Variants in NTM observed in about 807,000 individuals in gnomAD.
NTM encodes the protein IgLON family member 2.
A neutral mutation model predicts 42.1 loss-of-function variants in NTM; 13 were observed. That is an observed-to-expected ratio of 0.31 (90% CI 0.20 to 0.49). NTM has a LOEUF of 0.49. NTM is among the 20% of genes least tolerant of loss of function. NTM has a pLI of 0.99. For missense variants in NTM, 373 were observed against 452.8 expected, an observed-to-expected ratio of 0.82 and a Z score of 1.60; for synonymous variants, 187 against 179.2, an observed-to-expected ratio of 1.04 and a Z score of -0.35.
chr11:131,515,882 G>A (rs764644066), intron 1 of NTM, among the ~76,000 whole-genome samples: 24 of 152,138 alleles, frequency 1.6e-4, no homozygotes, highest in Non-Finnish European at 2.5e-4. Context: ...ACCATGGTAA[G>A]GCTGGAAAAC....
intron 3 of NTM, among the ~76,000 whole-genome samples, chr11:132,149,591 C>T (rs1194368171): frequency 1.3e-5 from 2 of 152,158 alleles, no homozygotes; most frequent in African/African-American, 4.8e-5. Context: ...TTTCCCCTTA[C>T]TGTCAAATAT....
chr11:131,565,112 C>G lies in NTM; in HGVS notation c.82+194224C>G, dbSNP rs149531486. Among the ~76,000 whole-genome samples, 832 of 152,328 alleles carry G rather than the reference C, an allele frequency of 5.5e-3. 10 individuals carry two copies. Among genetic ancestry groups the G allele is most frequent in the Middle Eastern group, 0.01 (3 of 294 alleles). Reference sequence around the variant, plus strand: ...CACTTCTGAGGGAGCTGCAGACACCCTGGCGCGCATGTTGGTGGTCTGCTC... The same window carrying G: ...CACTTCTGAGGGAGCTGCAGACACCGTGGCGCGCATGTTGGTGGTCTGCTC... On this transcript the variant is annotated intron_variant, in intron 1 of 8. Transcript: ENST00000683400.
rs552727975 is a variant in NTM at position 131,884,645 on chromosome 11, C to T, written c.83-26919C>T. 3.3e-5 allele frequency among the ~76,000 whole-genome samples: 5 copies of T among 152,132 alleles called. No homozygotes were observed. The South Asian group carries it at 1.0e-3, about 32-fold the overall frequency. On this transcript the variant is annotated intron_variant, in intron 1 of 8. Transcript: ENST00000683400. The stretch of plus-strand genomic sequence containing the variant: ...AATCCTTGGGTCTAGCACAGGGAAA[C>T]ACGGGTCCCAGGGGAAACACCAAGA...
intron 1 of NTM, among the ~76,000 whole-genome samples, chr11:131,591,111 ACTT>A (rs1291744149): frequency 1.3e-4 from 20 of 152,174 alleles, no homozygotes; most frequent in African/African-American, 4.6e-4. Context: ...CAGAGCTTCA[ACTT>A]CTTAGGGAAA....
intron 1 of NTM, among the ~76,000 whole-genome samples, chr11:131,641,290 A>G (rs1262492910): frequency 1.3e-5 from 2 of 152,204 alleles, no homozygotes; most frequent in Non-Finnish European, 2.9e-5. Flanking sequence ...AAAGCCACTA[A>G]TGTTGCTCAG....
At chr11:131,718,569 C>T (rs1446618309) in intron 1 of NTM, among the ~76,000 whole-genome samples, 1 of 152,150 alleles carries the variant, frequency 6.6e-6, no homozygotes, top group Non-Finnish European at 1.5e-5. Flanking sequence ...GAGTGCTGGG[C>T]ACTGTTCCTT....
chr11:132,285,867 G>A (rs986412289), intron 4 of NTM, among the ~76,000 whole-genome samples: 1 of 152,166 alleles, frequency 6.6e-6, no homozygotes, highest in Non-Finnish European at 1.5e-5. Context: ...TCAAGGCACA[G>A]TCCAGCCTCT....
chr11:132,041,071 C>G (rs2077112054), intron 2 of NTM, among the ~76,000 whole-genome samples: 1 of 152,184 alleles, frequency 6.6e-6, no homozygotes, highest in South Asian at 2.1e-4. Context: ...CTGGAGTCTT[C>G]AATACCCCAC....
At chr11:131,726,196 T>C (rs1161207009) in intron 1 of NTM, among the ~76,000 whole-genome samples, 1 of 152,188 alleles carries the variant, frequency 6.6e-6, no homozygotes, top group African/African-American at 2.4e-5. Flanking sequence ...AAGAGGTCTA[T>C]ACAACATCTA....
At chr11:132,223,084 T>C (rs916091278) in intron 4 of NTM, among the ~76,000 whole-genome samples, 1 of 152,218 alleles carries the variant, frequency 6.6e-6, no homozygotes, top group Non-Finnish European at 1.5e-5. Flanking sequence ...GAGAAAATGG[T>C]ATGGATTTTG....
chr11:131,433,819 T>C (rs942796350), intron 1 of NTM, among the ~76,000 whole-genome samples: 36 of 152,330 alleles, frequency 2.4e-4, no homozygotes, highest in Middle Eastern at 3.4e-3. Flanking sequence ...AAAATTATAC[T>C]TTAAGTTCTA....
chr11:132,064,025 A>C (rs564541623), intron 2 of NTM, among the ~76,000 whole-genome samples: 1 of 152,330 alleles, frequency 6.6e-6, no homozygotes, highest in African/African-American at 2.4e-5. Flanking sequence ...CTAAAAGCTA[A>C]CTCAACAAGG....
intron 1 of NTM, among the ~76,000 whole-genome samples, chr11:131,511,356 C>T (rs1050546923): frequency 1.3e-5 from 2 of 152,188 alleles, no homozygotes; most frequent in Non-Finnish European, 2.9e-5. Context: ...AGTGCCATGC[C>T]CTAATTGAAT....
chr11:131,371,799 G>A (rs1425817960), intron 1 of NTM, among the ~76,000 whole-genome samples: 1 of 152,154 alleles, frequency 6.6e-6, no homozygotes, highest in Non-Finnish European at 1.5e-5. Flanking sequence ...GTCCTTTGGG[G>A]TAACTAGTTT....
Position 131,420,894 on chromosome 11 carries a change from C to CA in NTM, c.82+50007dup, listed in dbSNP as rs141070098. On this transcript the variant is annotated intron_variant, in intron 1 of 8. Coordinates refer to ENST00000683400, the MANE Select transcript of NTM (RefSeq NM_001352005.2). ...GCAAATGCCTGGTCTGGTTCTCCTCCATGATGTAATGCCTCCTCTGCTTCA... is the reference window on the plus strand; with the variant it reads ...GCAAATGCCTGGTCTGGTTCTCCTCCAATGATGTAATGCCTCCTCTGCTTCA... Among the ~76,000 whole-genome samples, 71 of 152,244 alleles carry CA rather than the reference C, an allele frequency of 4.7e-4. No homozygotes were observed. The East Asian group carries it at 0.012, about 25-fold the overall frequency.
chr11:131,460,846 G>A (rs1459356821), intron 1 of NTM, among the ~76,000 whole-genome samples: 2 of 152,190 alleles, frequency 1.3e-5, no homozygotes, highest in African/African-American at 2.4e-5. Flanking sequence ...GAACCACCGC[G>A]CCCTGCCAAG....
chr11:132,083,801 A>G (rs1217205752), intron 2 of NTM, among the ~76,000 whole-genome samples: 2 of 152,214 alleles, frequency 1.3e-5, no homozygotes, highest in East Asian at 1.9e-4. Flanking sequence ...GCAAATAACC[A>G]TATTGCCATA....
chr11:132,117,026 T>G (rs1338062891), intron 2 of NTM, among the ~76,000 whole-genome samples: 1 of 152,190 alleles, frequency 6.6e-6, no homozygotes, highest in Non-Finnish European at 1.5e-5. Context: ...CATCATTTGA[T>G]CAAGGCAGAC....
chr11:132,022,901 G>A (rs2074559619), intron 2 of NTM, among the ~76,000 whole-genome samples: 2 of 152,336 alleles, frequency 1.3e-5, no homozygotes, highest in East Asian at 1.9e-4. Flanking sequence ...TGCTCCTGCT[G>A]GATGGGATCC....
Sources: allele counts gnomAD v4.1 joint callset (sites outside exome capture counted in the v4.1 genomes callset), GRCh38; gene constraint gnomAD v4.1.1; transcripts MANE v1.5; gene names NCBI Gene and HGNC (gene_info 2026-07-23, HGNC 2026-07-21).